The following SOX6 variants were observed in gnomAD, a reference collection of about 807,000 sequenced individuals.
SOX6 encodes SRY-box transcription factor 6.
SOX6 carries 11 observed loss-of-function variants against 97.8 expected under a neutral mutation model. The ratio of observed to expected loss-of-function variants is 0.11; its 90% confidence interval spans 0.07 to 0.19. The LOEUF (loss-of-function observed/expected upper bound fraction) is 0.19. SOX6 is among the 10% of genes least tolerant of loss of function. SOX6 has a pLI of 1.00. For synonymous variants in SOX6, 360 were observed against 371.4 expected (o/e 0.97, Z 0.35); for missense variants, 810 against 1,039.5 (o/e 0.78, Z 3.04).
intron 6 of SOX6, among the ~76,000 whole-genome samples, chr11:16,130,499 A>G (rs1385810437): frequency 6.6e-6 from 1 of 152,002 alleles, no homozygotes; most frequent in East Asian, 1.9e-4. Flanking sequence ...AAAATTTTGA[A>G]ACACTAAAAT....
chr11:16,005,394 C>T (rs1223538050), intron 13 of SOX6, among the ~76,000 whole-genome samples: 2 of 151,378 alleles, frequency 1.3e-5, no homozygotes, highest in Non-Finnish European at 2.9e-5. Context: ...TCATACAGAG[C>T]CAGAAGAAAA....
intron 4 of SOX6, among the ~76,000 whole-genome samples, chr11:16,192,535 T>C (rs1851659568): frequency 6.6e-6 from 1 of 152,080 alleles, no homozygotes; most frequent in African/African-American, 2.4e-5. Context: ...TCTTTCATTA[T>C]AACAGTTTCA....
At chr11:16,579,436 T>G (rs1483748289) in intron 4 of SOX6, among the ~76,000 whole-genome samples, 1 of 151,934 alleles carries the variant, frequency 6.6e-6, no homozygotes, top group Non-Finnish European at 1.5e-5. Context: ...CACATTCCTC[T>G]TCCCAATTAA....
rs77487791 is a variant in SOX6, at chr11:16,279,888, T to C, written c.445+38558A>G. Among the ~76,000 whole-genome samples the C allele has an allele frequency of 5.3e-5, 8 of 152,250 alleles. No homozygotes were observed. In the East Asian group the frequency reaches 1.5e-3, roughly 29 times the overall value. On this transcript the variant is annotated intron_variant, in intron 3 of 15. Coordinates refer to ENST00000683767, the MANE Select transcript of SOX6 (RefSeq NM_001367873.1). ...AATTAAATTGTATACCAATGAGGCA[T>C]ACTAACTCTTGAAAAATCTATATTT...
rs372372378 is a variant in SOX6, at chr11:16,132,398, GAAAAA to G, written c.778-20480_778-20476del. On this transcript the variant is annotated intron_variant, in intron 6 of 15. Transcript: ENST00000683767. ...AGAAAGAAAGAAAGAAAGAAAGAAA[GAAAAA>G]AGAAAGAAAGAAAGAAAGAAAGAAA... Among the ~76,000 whole-genome samples, 318 of 48,170 alleles carry G rather than the reference GAAAAA, an allele frequency of 6.6e-3. 27 individuals carry two copies. In the East Asian group the frequency reaches 0.1, roughly 16 times the overall value. 31.6% of individuals were successfully genotyped at this position (48,170 alleles called of 152,430 possible).
At chr11:16,154,113 C>T (rs1273201852) in intron 6 of SOX6, among the ~76,000 whole-genome samples, 1 of 152,084 alleles carries the variant, frequency 6.6e-6, no homozygotes, top group Non-Finnish European at 1.5e-5. Flanking sequence ...TTACCTGTTT[C>T]CTATGTTTTG....
intron 13 of SOX6, among the ~76,000 whole-genome samples, chr11:16,000,803 T>TA (rs1251768760): frequency 6.6e-6 from 1 of 152,144 alleles, no homozygotes; most frequent in Non-Finnish European, 1.5e-5. Flanking sequence ...AATGTACACA[T>TA]AAAAAATTCC....
intron 2 of SOX6, among the ~76,000 whole-genome samples, chr11:16,721,840 A>G (rs1167606266): frequency 1.3e-5 from 2 of 151,632 alleles, no homozygotes; most frequent in Non-Finnish European, 2.9e-5. Context: ...AATACAGAAA[A>G]TTGCACAGAC....
chr11:16,429,190 G>A (rs561509375), intron 1 of SOX6, among the ~76,000 whole-genome samples: 1 of 152,316 alleles, frequency 6.6e-6, no homozygotes, highest in South Asian at 2.1e-4. Context: ...TATTGGCGAA[G>A]TTGTGGAGAA....
At chr11:16,658,876 C>A (rs1847745163) in intron 3 of SOX6, among the ~76,000 whole-genome samples, 2 of 151,992 alleles carry the variant, frequency 1.3e-5, no homozygotes, top group Non-Finnish European at 2.9e-5. Flanking sequence ...AGTAGTTATC[C>A]TTTTAGCTAA....
rs1399761152 is a variant in SOX6, at chr11:16,195,332, G to C, written c.536-8377C>G. ...CTGATTTTTAATCCAAGCGAGTCTA[G>C]AGTCTAAGAAAGAGGTATCTTCCCT... On this transcript the variant is annotated intron_variant, in intron 4 of 15. Coordinates refer to ENST00000683767, the MANE Select transcript of SOX6 (RefSeq NM_001367873.1). 3.3e-5 allele frequency among the ~76,000 whole-genome samples: 5 copies of C among 152,132 alleles called. No homozygotes were observed. In the South Asian group the frequency reaches 8.3e-4, roughly 25 times the overall value.
chr11:16,340,759 TC>T lies in SOX6; in HGVS notation c.237+252del, dbSNP rs760519251. The stretch of plus-strand genomic sequence containing the variant: ...TGGATTCATAGAATAAGATAACCAA[TC>T]CCCCCACAAAAATCAATCGATAAAA... On this transcript the variant is annotated intron_variant, in intron 2 of 15. Coordinates refer to ENST00000683767, the MANE Select transcript of SOX6 (RefSeq NM_001367873.1). Among the ~76,000 whole-genome samples, 6 of 151,884 alleles carry T rather than the reference TC, an allele frequency of 4.0e-5. No homozygotes were observed. The East Asian group carries it at 9.7e-4, about 25-fold the overall frequency.
At chr11:16,531,120 G>A (rs1189404227) in intron 4 of SOX6, among the ~76,000 whole-genome samples, 1 of 149,824 alleles carries the variant, frequency 6.7e-6, no homozygotes, top group Non-Finnish European at 1.5e-5. Context: ...GTTGCAATAA[G>A]GACACACCAA....
intron 3 of SOX6, among the ~76,000 whole-genome samples, chr11:16,676,220 T>G (rs963655221): frequency 1.3e-5 from 2 of 152,264 alleles, no homozygotes; most frequent in Non-Finnish European, 2.9e-5. Flanking sequence ...TCAGTTATTA[T>G]GCTTCTCAAC....
intron 10 of SOX6, among the ~76,000 whole-genome samples, chr11:16,054,657 T>C (rs201504190): frequency 6.6e-6 from 1 of 152,198 alleles, no homozygotes; most frequent in East Asian, 1.9e-4. Flanking sequence ...TAGCATCCAA[T>C]GATTAATTTG....
intron 1 of SOX6, among the ~76,000 whole-genome samples, chr11:16,400,598 A>G (rs751723025): frequency 6.6e-5 from 10 of 151,488 alleles, no homozygotes; most frequent in Non-Finnish European, 1.5e-5. Context: ...ATTAACATAA[A>G]AAAATCAATA....
intron 4 of SOX6, among the ~76,000 whole-genome samples, chr11:16,595,965 A>G (rs1437690438): frequency 6.6e-6 from 1 of 152,210 alleles, no homozygotes. Context: ...CACTCTGAGG[A>G]TTAATTTATT....
chr11:16,318,064 CT>C, intron 3 of SOX6: 1 of 404,442 alleles, frequency 2.5e-6, no homozygotes, highest in African/African-American at 2.1e-5. Flanking sequence ...TTTAATTTTG[CT>C]TTTTAAACAG....
At chr11:16,317,653 T>C (rs1855790983) in intron 3 of SOX6, 1 of 152,918 alleles carries the variant, frequency 6.5e-6, no homozygotes, top group South Asian at 2.0e-4. Flanking sequence ...AATTCCCTAA[T>C]ATCAAATCCC....
Sources: gnomAD v4.1 joint callset for allele counts (sites outside exome capture counted in the v4.1 genomes callset) on GRCh38, gnomAD v4.1.1 for gene constraint, MANE v1.5 for transcripts, NCBI Gene and HGNC (gene_info 2026-07-23, HGNC 2026-07-21) for gene names.